The following ZNF121 variants were observed in gnomAD, a reference collection of about 807,000 sequenced individuals.
The protein encoded by ZNF121 is zinc finger protein 121 (clone ZHC32).
ZNF121 carries 1 observed loss-of-function variant against 2.4 expected under a neutral mutation model. The ratio of observed to expected loss-of-function variants is 0.41; its 90% CI spans 0.15 to 1.94. The LOEUF (loss-of-function observed/expected upper bound fraction) is 1.94. Ranked by LOEUF, ZNF121 falls within the 30% of genes most tolerant of loss-of-function variation. The probability of loss-of-function intolerance (pLI) is 0.30; values close to 1 mark genes in which losing one functional copy is unlikely to be tolerated. For missense variants in ZNF121, 369 were observed against 466.3 expected (o/e 0.79, Z 1.92); for synonymous variants, 173 against 158.6 (o/e 1.09, Z -0.68).
At chr19:9,577,391 C>G (rs1362349520) in intron 1 of ZNF121, among the ~76,000 whole-genome samples, 1 of 151,362 alleles carries the variant, frequency 6.6e-6, no homozygotes, top group Non-Finnish European at 1.5e-5. Flanking sequence ...CGGAGGTTGC[C>G]GTGAGCCAAG....
intron 1 of ZNF121, among the ~76,000 whole-genome samples, chr19:9,574,184 C>T (rs899050457): frequency 1.6e-4 from 25 of 151,932 alleles, no homozygotes; most frequent in Non-Finnish European, 4.4e-5. Context: ...CTCATTCTGT[C>T]GCCCAGGCTG....
At chr19:9,568,444 C>T (rs774262396) in intron 2 of ZNF121, among the ~76,000 whole-genome samples, 2 of 151,690 alleles carry the variant, frequency 1.3e-5, no homozygotes, top group African/African-American at 2.4e-5. Context: ...GGCATGATCT[C>T]GGCTCACTGC....
At position 9,561,327 on chromosome 19, in the gene ZNF121, T is replaced by C. The variant is rs1385954874; in HGVS notation, c.*4613A>G. 6.6e-6 allele frequency: 1 copy of C among 152,154 alleles called. No individual in the cohort carries two copies. The highest frequency in any genetic ancestry group is 6.5e-5 in the Admixed American group (1 of 15,270). The allele number at this position is 152,154 out of a possible 1,614,324, so 9.4% of individuals were successfully genotyped here. ...TCTAGGGCTGGAGACAAATGTACCA[T>C]GAACAAACTGTTGCCCAGAAAATAA... On this transcript the variant is annotated 3_prime_UTR_variant, in exon 4 of 4. Transcript: ENST00000320451.
chr19:9,574,400 C>T lies in ZNF121; in HGVS notation c.-159-5318G>A, dbSNP rs895276105. On this transcript the variant is annotated intron_variant, in intron 1 of 3. Transcript: ENST00000320451. ...CAATCTCCTGATCCCGTGATCTGCC[C>T]GCCTTGGCCTCCCAAAGTGCTAGGA... Among the ~76,000 whole-genome samples the T allele has an allele frequency of 5.9e-5, 9 of 152,018 alleles. No homozygotes were observed. In the South Asian group the frequency reaches 6.2e-4, roughly 10 times the overall value.
Position 9,567,137 on chromosome 19 carries a change from A to G in ZNF121, c.4-28T>C, listed in dbSNP as rs775247347. On this transcript the variant is annotated intron_variant, in intron 3 of 3. Coordinates refer to ENST00000320451, the MANE Select transcript of ZNF121 (RefSeq NM_001008727.5). ...GTTAATAAAGGGATGAATGATGATT[A>G]AAGGATTTTTCAGATTTATCAACAG... 5 of 1,553,512 alleles carry G rather than the reference A, an allele frequency of 3.2e-6. No homozygotes were observed. In the South Asian group the frequency reaches 4.8e-5, roughly 15 times the overall value.
intron 1 of ZNF121, among the ~76,000 whole-genome samples, chr19:9,577,107 A>G (rs985536572): frequency 4.6e-5 from 7 of 152,250 alleles, no homozygotes. Flanking sequence ...CAAAGTGAGC[A>G]TTATTCTCAT....
intron 1 of ZNF121, among the ~76,000 whole-genome samples, chr19:9,576,815 G>A (rs2074213243): frequency 6.6e-6 from 1 of 152,074 alleles, no homozygotes; most frequent in African/African-American, 2.4e-5. Flanking sequence ...CCAATCATTA[G>A]AAACTATTAC....
chr19:9,574,632 C>T (rs1170455500), intron 1 of ZNF121, among the ~76,000 whole-genome samples: 1 of 152,086 alleles, frequency 6.6e-6, no homozygotes, highest in Non-Finnish European at 1.5e-5. Flanking sequence ...TTTTGATTGG[C>T]TTAGAACTTT....
At chr19:9,582,884 T>A (rs929276474) in intron 1 of ZNF121, among the ~76,000 whole-genome samples, 4 of 66,452 alleles carry the variant, frequency 6.0e-5, no homozygotes, top group African/African-American at 4.0e-4. Context: ...TAGATACTAC[T>A]TTATTACACT....
chr19:9,573,728 A>G (rs141474321), intron 1 of ZNF121, among the ~76,000 whole-genome samples: 119 of 152,272 alleles, frequency 7.8e-4, no homozygotes, highest in African/African-American at 2.8e-3. Flanking sequence ...GGTCAAGGAC[A>G]AAGACAGGAC....
intron 1 of ZNF121, among the ~76,000 whole-genome samples, chr19:9,574,990 C>G (rs1029453162): frequency 6.6e-6 from 1 of 152,180 alleles, no homozygotes; most frequent in South Asian, 2.1e-4. Context: ...GTTGCCCAGG[C>G]TGGTCTCAAA....
Position 9,560,366 on chromosome 19 carries a change from A to G in ZNF121, c.*5574T>C, listed in dbSNP as rs2074094455. ...AATTTTTATTGTGATAAAAACACAT[A>G]AAATTTACCCTTTCACATACTTTGT... On this transcript the variant is annotated 3_prime_UTR_variant, in exon 4 of 4. Transcript: ENST00000320451. 6.6e-6 allele frequency: 1 copy of G among 152,334 alleles called. No homozygotes were observed. The highest frequency in any genetic ancestry group is 1.5e-5 in the Non-Finnish European group (1 of 68,032). 9.4% of individuals were successfully genotyped at this position (152,334 alleles called of 1,614,324 possible).
chr19:9,582,716 C>A (rs1198961644), intron 1 of ZNF121, among the ~76,000 whole-genome samples: 1 of 148,828 alleles, frequency 6.7e-6, no homozygotes, highest in African/African-American at 2.5e-5. Flanking sequence ...ACCTCTGCAC[C>A]CCGACCCGGG....
At position 9,560,988 on chromosome 19, in the gene ZNF121, A is replaced by G. The variant is rs1019558665; in HGVS notation, c.*4952T>C. ...GTTATCAATTCTGAGAGTAGCTTAT[A>G]TTTTAATCTAGGATTGAGCACGTGC... On this transcript the variant is annotated 3_prime_UTR_variant, in exon 4 of 4. Transcript: ENST00000320451. The G allele has an allele frequency of 6.6e-6, 1 of 152,228 alleles. No homozygotes were observed. The highest frequency in any genetic ancestry group is 2.4e-5 in the African/African-American group (1 of 41,454). The allele number at this position is 152,228 out of a possible 1,614,324, so 9.4% of individuals were successfully genotyped here.
In ZNF121 at chr19:9,562,596, T is replaced by G. The variant is rs949585383; in HGVS notation, c.*3344A>C. The G allele has an allele frequency of 1.8e-5, 1 of 56,274 alleles. No individual in the cohort carries two copies. The highest frequency in any genetic ancestry group is 3.6e-5 in the African/African-American group (1 of 27,444). The allele number at this position is 56,274 out of a possible 1,614,324, so 3.5% of individuals were successfully genotyped here. On this transcript the variant is annotated 3_prime_UTR_variant, in exon 4 of 4. Coordinates refer to ENST00000320451, the MANE Select transcript of ZNF121 (RefSeq NM_001008727.5). ...CTGGCCACTCTCCCCTCTCTCCTCC[T>G]CTTCCCAGGCCTCCTAATTCCCTGA...
intron 1 of ZNF121, among the ~76,000 whole-genome samples, chr19:9,571,759 A>T (rs1478905706): frequency 6.6e-6 from 1 of 152,112 alleles, no homozygotes; most frequent in Non-Finnish European, 1.5e-5. Context: ...ACACATTTTT[A>T]AAAATTAGAG....
rs2074132483 is a variant in ZNF121 at position 9,566,448 on chromosome 19, T to C, written c.665A>G (p.His222Arg). The change falls in exon 4 of 4, where the codon CAC becomes CGC. Residue 222 changes from histidine (H) to arginine (R), a missense_variant. By Grantham distance (29) the His-to-Arg change is conservative. Transcript: ENST00000320451. ...RSGLTKHVRI[H>R]TGEKPYECNE... ...ACATTCATAGGGCTTCTCTCCAGTG[T>C]GTATTCGTACATGTTTAGTAAGGCC... 6.2e-7 allele frequency: 1 copy of C among 1,614,076 alleles called. No homozygotes were observed. The highest frequency in any genetic ancestry group is 8.5e-7 in the Non-Finnish European group (1 of 1,179,984).
chr19:9,571,274 T>A (rs1461538683), intron 1 of ZNF121, among the ~76,000 whole-genome samples: 1 of 152,206 alleles, frequency 6.6e-6, no homozygotes, highest in Non-Finnish European at 1.5e-5. Flanking sequence ...ATATGGCCCA[T>A]GGGCCATAGT....
chr19:9,567,736 A>T (rs2074143819), intron 3 of ZNF121: 1 of 278,336 alleles, frequency 3.6e-6, no homozygotes, highest in African/African-American at 2.2e-5. Context: ...ACAGATCATC[A>T]GTCTCATAAG....
Sources: gnomAD v4.1 joint callset for allele counts (sites outside exome capture counted in the v4.1 genomes callset) on GRCh38, gnomAD v4.1.1 for gene constraint, MANE v1.5 for transcripts, NCBI Gene and HGNC (gene_info 2026-07-23, HGNC 2026-07-21) for gene names.